Variants in MSMO1 observed in about 807,000 individuals in gnomAD.
MSMO1 encodes methylsterol monooxygenase 1.
A neutral mutation model predicts 30.4 loss-of-function variants in MSMO1; 18 were observed. The ratio of observed to expected loss-of-function variants is 0.59; its 90% CI spans 0.41 to 0.88. MSMO1 has a LOEUF of 0.88. MSMO1 is among the 40% of genes least tolerant of loss of function. MSMO1 has a pLI of 0.00. For missense variants in MSMO1, 284 were observed against 340.5 expected (o/e 0.83, Z 1.31); for synonymous variants, 84 against 107.9 (o/e 0.78, Z 1.37).
rs1304406584 is a variant in MSMO1 at position 165,337,848 on chromosome 4, C to T, written c.315C>T (p.His105=). Residue 105 remains histidine, a synonymous_variant, in exon 3 of 6, where the codon CAC becomes CAT. Transcript: ENST00000261507. Reference sequence around the variant, plus strand: ...GTTTCAAAGTTCTTCTCTTTAATCACTTCTGTATCCAGCTGCCTTTGATTT... The same window carrying T: ...GTTTCAAAGTTCTTCTCTTTAATCATTTCTGTATCCAGCTGCCTTTGATTT... ...WKCFKVLLFN[H]FCIQLPLICG... is the part of the protein sequence containing the mutation. The T allele has an allele frequency of 2.5e-6, 4 of 1,613,348 alleles. No homozygotes were observed. The African/African-American group carries it at 5.3e-5, about 22-fold the overall frequency.
rs1747752077 is a variant in MSMO1, at chr4:165,342,810, G to A, written c.*864G>A. ...TCTAATCTAGAGCTGACCAGTTTGA[G>A]CTGATTCTCTCTTTGAAGAGTCCTT... On this transcript the variant is annotated 3_prime_UTR_variant, in exon 6 of 6. Transcript: ENST00000261507. The A allele has an allele frequency of 1.4e-5, 2 of 146,610 alleles. No individual in the cohort carries two copies. The highest frequency in any genetic ancestry group is 4.1e-4 in the South Asian group (2 of 4,832). The allele number at this position is 146,610 out of a possible 1,614,324, so 9.1% of individuals were successfully genotyped here. A position where few individuals can be genotyped will look rare whatever the true frequency, so the allele number is the denominator to read the frequency against.
chr4:165,333,316 T>C, intron 1 of MSMO1, 24 bp from the exon 2 acceptor site: 1 of 1,571,292 alleles, frequency 6.4e-7, no homozygotes, highest in Non-Finnish European at 8.7e-7. Flanking sequence ...GTTTAACTTA[T>C]TATATATGTA....
At chr4:165,339,351 G>A (rs1398772827) in intron 4 of MSMO1, among the ~76,000 whole-genome samples, 4 of 151,942 alleles carry the variant, frequency 2.6e-5, no homozygotes, top group East Asian at 3.9e-4. Flanking sequence ...TGATCCACCC[G>A]CCTTGGACTC....
intron 5 of MSMO1, 65 bp downstream of exon 5, chr4:165,340,440 A>AT: frequency 7.4e-7 from 1 of 1,348,596 alleles, no homozygotes; most frequent in Non-Finnish European, 1.1e-6. Context: ...TGGCCATAAG[A>AT]TTATCATATT....
At chr4:165,336,232 C>G (rs1221339199) in intron 2 of MSMO1, among the ~76,000 whole-genome samples, 1 of 86,482 alleles carries the variant, frequency 1.2e-5, no homozygotes. Context: ...GGATCTATTT[C>G]TTTAAAAAAA....
At chr4:165,341,327 C>G (rs79180121) in intron 5 of MSMO1, among the ~76,000 whole-genome samples, 5,366 of 152,156 alleles carry the variant, frequency 0.035, 305 homozygotes, top group African/African-American at 0.12. Context: ...TGGGCCTGCC[C>G]TTTTTAATAC....
intron 1 of MSMO1, among the ~76,000 whole-genome samples, chr4:165,331,674 T>G (rs569179570): frequency 1.3e-5 from 2 of 152,292 alleles, no homozygotes; most frequent in South Asian, 4.1e-4. Flanking sequence ...AAGGGGACTT[T>G]TAAAGCACTA....
intron 4 of MSMO1, among the ~76,000 whole-genome samples, chr4:165,339,865 T>G (rs1166436937): frequency 6.6e-6 from 1 of 152,202 alleles, no homozygotes; most frequent in Non-Finnish European, 1.5e-5. Flanking sequence ...GGCTACAGAC[T>G]AGAAATCCAG....
At chr4:165,338,363 C>T (rs1423087721) in intron 3 of MSMO1, among the ~76,000 whole-genome samples, 1 of 150,450 alleles carries the variant, frequency 6.6e-6, no homozygotes, top group African/African-American at 2.4e-5. Flanking sequence ...CATATATATA[C>T]TCATGCGTCA....
intron 1 of MSMO1, among the ~76,000 whole-genome samples, chr4:165,328,426 T>A (rs1169200713): frequency 6.6e-6 from 1 of 152,212 alleles, no homozygotes. Context: ...TTGAGTGTTT[T>A]AAGGAGGTTA....
chr4:165,331,861 T>C (rs1747398487), intron 1 of MSMO1, among the ~76,000 whole-genome samples: 1 of 152,174 alleles, frequency 6.6e-6, no homozygotes, highest in Non-Finnish European at 1.5e-5. Flanking sequence ...ATTTAAAAAG[T>C]TTAAATTGTG....
chr4:165,340,481 T>C, intron 5 of MSMO1, 106 bp downstream of exon 5: 1 of 952,598 alleles, frequency 1.0e-6, no homozygotes, highest in Non-Finnish European at 1.6e-6. Flanking sequence ...AAGTTAATCT[T>C]CTTAATGTTA....
Position 165,343,159 on chromosome 4 carries a change from A to G in MSMO1, c.*1213A>G, listed in dbSNP as rs1189913207. The G allele has an allele frequency of 1.4e-5, 2 of 146,062 alleles. No homozygotes were observed. The highest frequency in any genetic ancestry group is 5.3e-5 in the African/African-American group (2 of 37,786). 9.0% of individuals were successfully genotyped at this position (146,062 alleles called of 1,614,324 possible). A position where few individuals can be genotyped will look rare whatever the true frequency, so the allele number is the denominator to read the frequency against. On this transcript the variant is annotated 3_prime_UTR_variant, in exon 6 of 6. Transcript: ENST00000261507. ...AATCATTAAATTATTAAGTTGTACA[A>G]TAAAAGGATTGGTTTCTTTTCTTTT...
At position 165,337,836 on chromosome 4, in the gene MSMO1, T is replaced by C. The variant is rs765463805; in HGVS notation, c.303T>C (p.Leu101=). The C allele has an allele frequency of 2.5e-6, 4 of 1,613,602 alleles. No individual in the cohort carries two copies. Among genetic ancestry groups the C allele is most frequent in the African/African-American group, 1.3e-5 (1 of 75,036 alleles). Residue 101 remains leucine (L), a synonymous_variant, in exon 3 of 6, where the codon CTT becomes CTC. Coordinates refer to ENST00000261507, the MANE Select transcript of MSMO1 (RefSeq NM_006745.5). ...ACCAATGGAAGTGTTTCAAAGTTCTTCTCTTTAATCACTTCTGTATCCAGC... is the reference window on the plus strand; with the variant it reads ...ACCAATGGAAGTGTTTCAAAGTTCTCCTCTTTAATCACTTCTGTATCCAGC... The part of the protein sequence containing the change: ...WENQWKCFKV[L]LFNHFCIQLP...
At position 165,340,338 on chromosome 4, in the gene MSMO1, G is replaced by T; in HGVS notation, c.649G>T (p.Val217Leu). ...CDHVILLWAW[V>L]TIRLLETIDV... is the part of the protein sequence containing the mutation. ...TCATGTAATTCTTCTTTGGGCATGG[G>T]TGACCATTCGTTTATTAGAAACTAT... The change falls in exon 5 of 6, where the codon GTG becomes TTG. Residue 217 changes from valine (V) to leucine (L), a missense_variant. Transcript: ENST00000261507. The T allele has an allele frequency of 6.2e-7, 1 of 1,613,762 alleles. No homozygotes were observed. Among genetic ancestry groups the T allele is most frequent in the Non-Finnish European group, 8.5e-7 (1 of 1,179,842 alleles).
intron 1 of MSMO1, among the ~76,000 whole-genome samples, chr4:165,330,667 A>G (rs1432145036): frequency 6.6e-6 from 1 of 152,226 alleles, no homozygotes; most frequent in Non-Finnish European, 1.5e-5. Context: ...CCAGATTGCA[A>G]GTAGCTCAGT....
chr4:165,341,687 A>G (rs532320806), intron 5 of MSMO1, 64 bp from the exon 6 acceptor site: 1 of 1,433,578 alleles, frequency 7.0e-7, no homozygotes, highest in African/African-American at 1.4e-5. Context: ...CATGATTATT[A>G]ATAAAAACAA....
intron 5 of MSMO1, chr4:165,340,602 T>C: frequency 1.9e-6 from 1 of 529,654 alleles, no homozygotes; most frequent in Non-Finnish European, 3.3e-6. Flanking sequence ...GGCAAGTATA[T>C]ATTCAGGACC....
At chr4:165,333,099 A>G (rs1560847483) in intron 1 of MSMO1, among the ~76,000 whole-genome samples, 1 of 152,110 alleles carries the variant, frequency 6.6e-6, no homozygotes, top group Non-Finnish European at 1.5e-5. Flanking sequence ...TCTTTTAGCT[A>G]TTGTTCTTGA....
Sources: allele counts gnomAD v4.1 joint callset (sites outside exome capture counted in the v4.1 genomes callset), GRCh38; gene constraint gnomAD v4.1.1; transcripts MANE v1.5; gene names NCBI Gene and HGNC (gene_info 2026-07-23, HGNC 2026-07-21).